Variants in SKIC3 observed in about 807,000 individuals in gnomAD.
SKIC3 encodes SKI3 subunit of superkiller complex.
chr5:95,541,828 C>T, the SKIC3 span: 2 of 1,611,250 alleles, frequency 1.2e-6, no homozygotes, highest in East Asian at 2.2e-5. Flanking sequence ...TCATAAAGAT[C>T]CAGGAGCTTT....
chr5:95,478,510 C>A, the SKIC3 span: 5 of 1,590,128 alleles, frequency 3.1e-6, no homozygotes, highest in Non-Finnish European at 4.3e-6. Flanking sequence ...ACCCCTACTT[C>A]CAACAAATTC....
chr5:95,478,964 G>GT, the SKIC3 span, among the ~76,000 whole-genome samples: 3 of 152,170 alleles, frequency 2.0e-5, no homozygotes, highest in African/African-American at 7.2e-5. Flanking sequence ...AGACAAGAAT[G>GT]TTTACTTATC....
chr5:95,515,149 ACCCT>A, the SKIC3 span: 1 of 453,852 alleles, frequency 2.2e-6, no homozygotes, highest in Non-Finnish European at 4.1e-6. Context: ...GGAGTTCTGA[ACCCT>A]AGCAAAAAAG....
chr5:95,498,259 G>T, the SKIC3 span: 2 of 1,109,494 alleles, frequency 1.8e-6, no homozygotes, highest in Non-Finnish European at 2.7e-6. Flanking sequence ...ACCAGGGTTT[G>T]GTTTTCAAAT....
chr5:95,497,375 G>A, the SKIC3 span: 42 of 1,489,482 alleles, frequency 2.8e-5, no homozygotes, highest in Non-Finnish European at 3.4e-5. Context: ...CATATCACAA[G>A]TTATTTTATC....
At chr5:95,506,969 G>GT in the SKIC3 span, 3 of 1,612,908 alleles carry the variant, frequency 1.9e-6, no homozygotes, top group Non-Finnish European at 2.5e-6. Context: ...TTGCAACATT[G>GT]TAAGTATCTT....
chr5:95,529,056 T>C, the SKIC3 span: 2 of 1,613,830 alleles, frequency 1.2e-6, no homozygotes, highest in African/African-American at 2.7e-5. Context: ...CTTGGGCTTC[T>C]GCCAGATGAT....
the SKIC3 span, chr5:95,550,503 C>A: frequency 6.7e-6 from 1 of 149,366 alleles, no homozygotes; most frequent in Admixed American, 6.7e-5. Context: ...TTAAATCTTT[C>A]TTCTGAAAGG....
the SKIC3 span, chr5:95,524,641 C>T: frequency 1.2e-6 from 2 of 1,607,776 alleles, no homozygotes; most frequent in Non-Finnish European, 1.7e-6. Context: ...AATACACACA[C>T]ACCCACACGC....
At chr5:95,465,124 C>T in the SKIC3 span, among the ~76,000 whole-genome samples, 2 of 151,868 alleles carry the variant, frequency 1.3e-5, no homozygotes, top group Admixed American at 6.6e-5. Flanking sequence ...GATGGGGTTT[C>T]ACCATGTTGG....
the SKIC3 span, among the ~76,000 whole-genome samples, chr5:95,539,209 G>A: frequency 1.3e-5 from 2 of 150,858 alleles, no homozygotes; most frequent in African/African-American, 4.9e-5. Context: ...GTAATTCATG[G>A]ACTAATATCC....
chr5:95,535,148 C>A, the SKIC3 span, among the ~76,000 whole-genome samples: 1 of 152,104 alleles, frequency 6.6e-6, no homozygotes, highest in African/African-American at 2.4e-5. Flanking sequence ...GTCCTGCACA[C>A]CATGTTAGTT....
chr5:95,489,488 T>A, the SKIC3 span, among the ~76,000 whole-genome samples: 2 of 147,014 alleles, frequency 1.4e-5, no homozygotes, highest in East Asian at 3.9e-4. Context: ...ATTCTAAATG[T>A]ATATTGCAAC....
chr5:95,465,004 T>G, the SKIC3 span, among the ~76,000 whole-genome samples: 1,324 of 148,720 alleles, frequency 8.9e-3, 19 homozygotes, highest in African/African-American at 0.031. Flanking sequence ...GGTGGCTCAC[T>G]GCAACCTCCA....
At chr5:95,484,790 GA>G in the SKIC3 span, 1 of 1,614,104 alleles carries the variant, frequency 6.2e-7, no homozygotes, top group Non-Finnish European at 8.5e-7. Flanking sequence ...CAGCTTGTGA[GA>G]GAGACCACTT....
At chr5:95,543,180 A>G in the SKIC3 span, 5 of 1,613,724 alleles carry the variant, frequency 3.1e-6, no homozygotes, top group Non-Finnish European at 4.2e-6. Context: ...AAATTTCTAC[A>G]TACCTGCCAA....
At chr5:95,541,734 G>T in the SKIC3 span, 1 of 1,027,114 alleles carries the variant, frequency 9.7e-7, no homozygotes, top group Non-Finnish European at 1.5e-6. Context: ...GTAAATGCTG[G>T]AATACTTCTA....
chr5:95,537,183 T>C, the SKIC3 span: 1 of 1,505,260 alleles, frequency 6.6e-7, no homozygotes. Context: ...CATACTTAAA[T>C]GACAAATGAT....
chr5:95,524,645 C>T, the SKIC3 span: 7 of 1,607,084 alleles, frequency 4.4e-6, no homozygotes, highest in Non-Finnish European at 5.1e-6. Flanking sequence ...CACACACACC[C>T]ACACGCAATA....
Sources: gnomAD v4.1 joint callset for allele counts (sites outside exome capture counted in the v4.1 genomes callset) on GRCh38, gnomAD v4.1.1 for gene constraint, MANE v1.5 for transcripts, NCBI Gene and HGNC (gene_info 2026-07-23, HGNC 2026-07-21) for gene names.